Variants in SGCZ observed in about 807,000 individuals in gnomAD.
The protein encoded by SGCZ is zeta-sarcoglycan.
In SGCZ, 40 loss-of-function variants were observed where a neutral mutation model predicts 41.3. The ratio of observed to expected loss-of-function variants is 0.97; its 90% CI spans 0.75 to 1.26. The LOEUF is 1.26. Ranked by LOEUF, SGCZ falls within the 50% of genes most tolerant of loss-of-function variation. The probability of loss-of-function intolerance (pLI) is 0.00; values close to 1 mark genes in which losing one functional copy is unlikely to be tolerated. For missense variants in SGCZ, 552 were observed against 369.8 expected (o/e 1.49, Z -4.04); for synonymous variants, 206 against 137.5 (o/e 1.50, Z -3.49).
At chr8:14,344,444 T>C (rs1455473606) in intron 2 of SGCZ, among the ~76,000 whole-genome samples, 1 of 151,646 alleles carries the variant, frequency 6.6e-6, no homozygotes, top group Non-Finnish European at 1.5e-5. Flanking sequence ...AACTATAGAA[T>C]AACAACAATA....
At chr8:14,598,526 TAC>T (rs1212416137) in intron 1 of SGCZ, among the ~76,000 whole-genome samples, 5 of 152,058 alleles carry the variant, frequency 3.3e-5, no homozygotes, top group Non-Finnish European at 7.4e-5. Context: ...TTTATATATA[TAC>T]ATAGCTTTTT....
intron 1 of SGCZ, among the ~76,000 whole-genome samples, chr8:15,038,570 C>A (rs764757649): frequency 2.0e-5 from 3 of 150,622 alleles, no homozygotes; most frequent in Non-Finnish European, 4.4e-5. Context: ...TAGATGTAAC[C>A]CCAAACGCAC....
intron 3 of SGCZ, among the ~76,000 whole-genome samples, chr8:14,267,802 C>A (rs1283893089): frequency 6.6e-6 from 1 of 152,088 alleles, no homozygotes; most frequent in East Asian, 1.9e-4. Context: ...ATTTAAGAAT[C>A]TTTCAGAGCC....
At chr8:14,388,239 T>C (rs963992147) in intron 2 of SGCZ, among the ~76,000 whole-genome samples, 9 of 151,578 alleles carry the variant, frequency 5.9e-5, no homozygotes, top group Non-Finnish European at 1.2e-4. Context: ...CAAAAAGAGA[T>C]CAAAGACAAA....
chr8:14,949,230 A>C (rs961393866), intron 1 of SGCZ, among the ~76,000 whole-genome samples: 5 of 152,172 alleles, frequency 3.3e-5, no homozygotes, highest in African/African-American at 4.8e-5. Context: ...GTAGTACGGC[A>C]ATGATAATAG....
At chr8:14,420,634 A>C (rs1799613418) in intron 2 of SGCZ, among the ~76,000 whole-genome samples, 1 of 152,072 alleles carries the variant, frequency 6.6e-6, no homozygotes, top group South Asian at 2.1e-4. Flanking sequence ...TTTGCACAGC[A>C]TAGATGCATT....
At chr8:14,245,799 C>G (rs1427970275) in intron 3 of SGCZ, among the ~76,000 whole-genome samples, 1 of 152,156 alleles carries the variant, frequency 6.6e-6, no homozygotes, top group African/African-American at 2.4e-5. Flanking sequence ...CATGAACAGA[C>G]GCTTCTCAAA....
chr8:14,590,912 CTA>C (rs904832370), intron 1 of SGCZ, among the ~76,000 whole-genome samples: 16 of 149,464 alleles, frequency 1.1e-4, no homozygotes, highest in African/African-American at 3.9e-4. Flanking sequence ...AGTACATACA[CTA>C]TATATGTCAT....
At chr8:14,127,289 A>G (rs1455692402) in intron 5 of SGCZ, among the ~76,000 whole-genome samples, 1 of 152,206 alleles carries the variant, frequency 6.6e-6, no homozygotes, top group Non-Finnish European at 1.5e-5. Flanking sequence ...ACCTGAGACC[A>G]GAGGTTACAG....
intron 1 of SGCZ, among the ~76,000 whole-genome samples, chr8:15,015,142 C>G (rs189335386): frequency 2.0e-5 from 3 of 151,836 alleles, no homozygotes; most frequent in Non-Finnish European, 4.4e-5. Context: ...ACTTGGGAGG[C>G]TGAGGTGGAA....
At chr8:14,287,380 T>A (rs1648916997) in intron 3 of SGCZ, among the ~76,000 whole-genome samples, 1 of 152,022 alleles carries the variant, frequency 6.6e-6, no homozygotes. Context: ...TGACTTTGCT[T>A]AATAACAATT....
intron 2 of SGCZ, among the ~76,000 whole-genome samples, chr8:14,432,744 T>C (rs1391959929): frequency 6.6e-6 from 1 of 151,884 alleles, no homozygotes; most frequent in Non-Finnish European, 1.5e-5. Context: ...TGAAACTCTA[T>C]TTCTGCTAAA....
At chr8:14,655,878 G>A (rs1412499379) in intron 1 of SGCZ, among the ~76,000 whole-genome samples, 1 of 152,022 alleles carries the variant, frequency 6.6e-6, no homozygotes, top group Non-Finnish European at 1.5e-5. Flanking sequence ...AACCTTTTGT[G>A]GTTGCCTTTT....
chr8:14,095,702 C>G (rs1801822347), intron 7 of SGCZ, among the ~76,000 whole-genome samples: 1 of 152,126 alleles, frequency 6.6e-6, no homozygotes, highest in Non-Finnish European at 1.5e-5. Flanking sequence ...GTAGTATGGC[C>G]ATTTTCACGA....
chr8:15,019,351 A>G (rs976019377), intron 1 of SGCZ, among the ~76,000 whole-genome samples: 3 of 152,182 alleles, frequency 2.0e-5, no homozygotes, highest in Non-Finnish European at 4.4e-5. Flanking sequence ...ATAAAGGGCA[A>G]CCGTGGATCT....
chr8:14,492,983 C>T (rs973251973), intron 2 of SGCZ, among the ~76,000 whole-genome samples: 1 of 152,096 alleles, frequency 6.6e-6, no homozygotes, highest in Non-Finnish European at 1.5e-5. Context: ...ATCATGGGAT[C>T]TAACCCCCCA....
At chr8:14,422,501 C>A (rs557131245) in intron 2 of SGCZ, among the ~76,000 whole-genome samples, 5 of 152,174 alleles carry the variant, frequency 3.3e-5, no homozygotes, top group Admixed American at 2.0e-4. Flanking sequence ...AAATGTGCCA[C>A]AGACCCCTCA....
At chr8:14,370,093 TGGTAAGATGAAGG>T (rs1297610033) in intron 2 of SGCZ, among the ~76,000 whole-genome samples, 1 of 151,904 alleles carries the variant, frequency 6.6e-6, no homozygotes, top group Non-Finnish European at 1.5e-5. Context: ...GTGGATGTAG[TGGTAAGATGAAGG>T]GGTAAGATGT....
intron 4 of SGCZ, among the ~76,000 whole-genome samples, chr8:14,209,483 C>G (rs574662963): frequency 6.6e-6 from 1 of 152,188 alleles, no homozygotes; most frequent in African/African-American, 2.4e-5. Context: ...AATTACAGAT[C>G]AGGAGTGTGG....
Sources: gnomAD v4.1 joint callset for allele counts (sites outside exome capture counted in the v4.1 genomes callset) on GRCh38, gnomAD v4.1.1 for gene constraint, MANE v1.5 for transcripts, NCBI Gene and HGNC (gene_info 2026-07-23, HGNC 2026-07-21) for gene names.